The following MYH11 variants were observed in gnomAD, a reference collection of about 807,000 sequenced individuals.
MYH11 encodes myosin-11.
Under a neutral mutation model 246.6 loss-of-function variants are expected in MYH11, and 80 were observed. That is an observed-to-expected ratio of 0.32 (90% confidence interval 0.27 to 0.39). MYH11 has a LOEUF of 0.39. Ranked by LOEUF, MYH11 falls within the 10% of genes least tolerant of loss-of-function variation. The pLI is 1.00. For missense variants in MYH11, 2,158 were observed against 2,546.8 expected (o/e 0.85, Z 3.29); for synonymous variants, 1,071 against 1,015.5 (o/e 1.05, Z -1.04).
rs567705925 is a variant in MYH11 at position 15,825,509 on chromosome 16, A to G, written c.346-2098T>C. ...GAGCTCAAGGTAATAGTGAGCTATG[A>G]TTGTACCATTGCACTCTAGCCCCTG... On this transcript the variant is annotated intron_variant, in intron 2 of 40. Coordinates refer to ENST00000300036, the MANE Select transcript of MYH11 (RefSeq NM_002474.3). Among the ~76,000 whole-genome samples the G allele has an allele frequency of 5.1e-4, 78 of 152,124 alleles. 1 individual carries two copies. The South Asian group carries it at 0.015, about 30-fold the overall frequency.
intron 14 of MYH11, among the ~76,000 whole-genome samples, chr16:15,754,861 T>C (rs1462406809): frequency 6.6e-6 from 1 of 152,212 alleles, no homozygotes; most frequent in South Asian, 2.1e-4. Context: ...TTATTTTTTA[T>C]TTTTAGCAGA....
At chr16:15,744,609 T>C (rs1351627720) in intron 20 of MYH11, among the ~76,000 whole-genome samples, 1 of 152,070 alleles carries the variant, frequency 6.6e-6, no homozygotes, top group Non-Finnish European at 1.5e-5. Flanking sequence ...TTCAAGAGAT[T>C]CTCCTGCCTT....
At chr16:15,849,385 T>C (rs1437633511) in intron 1 of MYH11, among the ~76,000 whole-genome samples, 1 of 152,222 alleles carries the variant, frequency 6.6e-6, no homozygotes, top group Admixed American at 6.5e-5. Flanking sequence ...GCATTAGCGA[T>C]GTTTGACACA....
chr16:15,784,440 C>A lies in MYH11; in HGVS notation c.634-1963G>T, dbSNP rs183133306. Among the ~76,000 whole-genome samples the A allele has an allele frequency of 2.6e-5, 4 of 152,218 alleles. No individual in the cohort carries two copies. In the East Asian group the frequency reaches 7.7e-4, roughly 29 times the overall value. On this transcript the variant is annotated intron_variant, in intron 5 of 40. Transcript: ENST00000300036. ...GGGGTTCATTCTGAACCGGAGAAATCCATTTCAGGCTGGAGCGCAACCCTG... is the reference window on the plus strand; with the variant it reads ...GGGGTTCATTCTGAACCGGAGAAATACATTTCAGGCTGGAGCGCAACCCTG...
intron 1 of MYH11, among the ~76,000 whole-genome samples, chr16:15,843,790 G>A (rs1205819184): frequency 6.6e-6 from 1 of 152,126 alleles, no homozygotes; most frequent in Non-Finnish European, 1.5e-5. Context: ...AGGCCAATGG[G>A]GCTCACATTT....
chr16:15,819,370 G>A (rs570586033), intron 3 of MYH11, among the ~76,000 whole-genome samples: 8 of 152,138 alleles, frequency 5.3e-5, no homozygotes, highest in Admixed American at 2.0e-4. Flanking sequence ...TCAAACCACC[G>A]ACTGGTACTG....
In MYH11 at chr16:15,738,568, C is replaced by G. The variant is rs749800008; in HGVS notation, c.3118G>C (p.Glu1040Gln). 2 of 1,611,772 alleles carry G rather than the reference C, an allele frequency of 1.2e-6. No individual in the cohort carries two copies. Among genetic ancestry groups the G allele is most frequent in the African/African-American group, 1.3e-5 (1 of 74,960 alleles). The change falls in exon 24 of 41, where the codon GAA (glutamate) becomes CAA (glutamine). Residue 1040 changes from glutamate (E) to glutamine (Q), a missense_variant. Transcript: ENST00000300036. ...AATCTCTTGGTAGCTGGTTTACCTT[C>G]CAGTTCTGAAATCATAGATTCATGC... ...NKHESMISEL[E>Q]VRLKKEEKSR...
intron 2 of MYH11, among the ~76,000 whole-genome samples, chr16:15,830,509 G>A (rs572824629): frequency 2.0e-4 from 31 of 152,260 alleles, no homozygotes; most frequent in East Asian, 1.5e-3. Flanking sequence ...AGATTGAGAC[G>A]CACAACAGCC....
Position 15,726,998 on chromosome 16 carries a change from C to G in MYH11, c.3708G>C (p.Leu1236=). The change falls in exon 28 of 41, where the codon CTG becomes CTC. Residue 1236 remains leucine (L), a synonymous_variant. Coordinates refer to ENST00000300036, the MANE Select transcript of MYH11 (RefSeq NM_002474.3). ...GGCCCAGGACCCGCAGCTCCCCGGC[C>G]AGGTCTGCGTTCTCTTTCTCCAGCG... The part of the protein sequence containing the change: ...KQTLEKENAD[L]AGELRVLGQA... 1 of 1,612,126 alleles carries G rather than the reference C, an allele frequency of 6.2e-7. No individual in the cohort carries two copies. Among genetic ancestry groups the G allele is most frequent in the Non-Finnish European group, 8.5e-7 (1 of 1,178,942 alleles).
rs1359902375 is a variant in MYH11, at chr16:15,740,168, C to T, written c.2880G>A (p.Glu960=). 2 of 1,614,230 alleles carry T rather than the reference C, an allele frequency of 1.2e-6. No individual in the cohort carries two copies. ...GCTTCTGCCTGGCAGCTTCCTCCTCCTCCAGCTGTTCTTCAAGGTCCTTTG... is the reference window on the plus strand; with the variant it reads ...GCTTCTGCCTGGCAGCTTCCTCCTCTTCCAGCTGTTCTTCAAGGTCCTTTG... The part of the protein sequence containing the change: ...QQMLDLEEQL[E]EEEAARQKLQ... The change falls in exon 23 of 41, where the codon GAG becomes GAA. Residue 960 remains glutamate, a synonymous_variant. Coordinates refer to ENST00000300036, the MANE Select transcript of MYH11 (RefSeq NM_002474.3).
intron 16 of MYH11, chr16:15,749,687 C>G (rs2041513124): frequency 4.1e-6 from 1 of 243,856 alleles, no homozygotes; most frequent in Admixed American, 5.0e-5. Flanking sequence ...ATCCCTGGCC[C>G]CTACCCACTA....
At chr16:15,776,264 G>T in intron 7 of MYH11, 88 bp from the exon 8 acceptor site, 3 of 894,380 alleles carry the variant, frequency 3.4e-6, no homozygotes, top group Non-Finnish European at 5.7e-6. Flanking sequence ...CAATTCACAT[G>T]GGATGACTTT....
chr16:15,707,073 G>A (rs2039497374), intron 40 of MYH11, among the ~76,000 whole-genome samples: 1 of 152,022 alleles, frequency 6.6e-6, no homozygotes, highest in South Asian at 2.1e-4. Flanking sequence ...GAGTCTCGCT[G>A]TGTTGCCCAG....
chr16:15,723,519 C>T (rs1438162430), intron 31 of MYH11, among the ~76,000 whole-genome samples: 2 of 152,132 alleles, frequency 1.3e-5, no homozygotes, highest in African/African-American at 2.4e-5. Context: ...TAGTGGTGTG[C>T]TCCTATAATC....
chr16:15,772,495 C>G (rs977422087), intron 8 of MYH11, among the ~76,000 whole-genome samples: 1 of 152,184 alleles, frequency 6.6e-6, no homozygotes, highest in African/African-American at 2.4e-5. Flanking sequence ...ATTCTCCTGT[C>G]ACATCCCTTC....
At chr16:15,731,082 A>G (rs2040946562) in intron 27 of MYH11, among the ~76,000 whole-genome samples, 1 of 152,140 alleles carries the variant, frequency 6.6e-6, no homozygotes, top group Non-Finnish European at 1.5e-5. Flanking sequence ...TTGGCCTCCC[A>G]AAGTGTTAGG....
chr16:15,746,105 G>C (rs1271457120), intron 19 of MYH11, among the ~76,000 whole-genome samples: 25 of 141,910 alleles, frequency 1.8e-4, no homozygotes, highest in Non-Finnish European at 2.7e-4. Context: ...TTTTTTTTTT[G>C]GTAGAGATAG....
At chr16:15,789,550 C>T (rs1392251719) in intron 4 of MYH11, among the ~76,000 whole-genome samples, 1 of 150,998 alleles carries the variant, frequency 6.6e-6, no homozygotes, top group Non-Finnish European at 1.5e-5. Flanking sequence ...CATGTTCTGC[C>T]TCCTACCCTT....
chr16:15,754,911 G>A lies in MYH11; in HGVS notation c.1750-1403C>T, dbSNP rs111441405. On this transcript the variant is annotated intron_variant, in intron 14 of 40. Transcript: ENST00000300036. ...ATGTTGGCCAGGCTGGTCTCAAACT[G>A]CTGACCTCAAGTAATCCACCTGCCT... Among the ~76,000 whole-genome samples, 520 of 152,266 alleles carry A rather than the reference G, an allele frequency of 3.4e-3. 4 individuals are homozygous for A. Among genetic ancestry groups the A allele is most frequent in the Middle Eastern group, 0.017 (5 of 294 alleles).
Sources: allele counts gnomAD v4.1 joint callset (sites outside exome capture counted in the v4.1 genomes callset), GRCh38; gene constraint gnomAD v4.1.1; transcripts MANE v1.5; gene names NCBI Gene and HGNC (gene_info 2026-07-23, HGNC 2026-07-21).